COL18A1: variants seen among roughly 807,000 people sequenced by gnomAD.
The protein encoded by COL18A1 is collagen alpha-1(XVIII) chain.
COL18A1 carries 133 observed loss-of-function variants against 168.0 expected under a neutral mutation model. That is an observed-to-expected ratio of 0.79 (90% CI 0.69 to 0.91). The LOEUF (loss-of-function observed/expected upper bound fraction) is 0.91, where lower values mean the gene tolerates loss of function less well. COL18A1 is among the 40% of genes least tolerant of loss of function. The pLI is 0.00. For missense variants in COL18A1, 2,126 were observed against 1,925.4 expected (o/e 1.10, Z -1.95); for synonymous variants, 949 against 809.0 (o/e 1.17, Z -2.94).
At chr21:45,417,305 C>T (rs376333400) in intron 2 of COL18A1, among the ~76,000 whole-genome samples, 12 of 152,202 alleles carry the variant, frequency 7.9e-5, no homozygotes, top group Admixed American at 4.6e-4. Flanking sequence ...CGAATGGCAC[C>T]GGCTTGCCTT....
chr21:45,490,482 C>CGGTGTG lies in COL18A1; in HGVS notation c.2031+136_2031+137insGGTGTG, dbSNP rs1568921477. The stretch of plus-strand genomic sequence containing the variant: ...TGTGCCCTCGTGGGTCCCTGGGCCT[C>CGGTGTG]CGTGTGCCCTCCCGGGTCTCTGGGC... On this transcript the variant is annotated intron_variant, in intron 20 of 41. Transcript: ENST00000651438. The CGGTGTG allele has an allele frequency of 1.3e-5, 9 of 711,776 alleles. No homozygotes were observed. The East Asian group carries it at 2.0e-4, about 16-fold the overall frequency. 44.1% of individuals were successfully genotyped at this position (711,776 alleles called of 1,614,324 possible).
At chr21:45,499,085 A>C (rs1339625771) in intron 32 of COL18A1, among the ~76,000 whole-genome samples, 1 of 152,320 alleles carries the variant, frequency 6.6e-6, no homozygotes, top group East Asian at 1.9e-4. Flanking sequence ...AAGGATCAAC[A>C]ATTAGAGTGA....
At position 45,450,033 on chromosome 21, in the gene COL18A1, C is replaced by T. The variant is rs551792906; in HGVS notation, c.107-18209C>T. ...GTTTTCATTTCAAAAGGGCTGGAGACGTGTCTGCGGCATCCAAACCTTGAC... is the reference window on the plus strand; with the variant it reads ...GTTTTCATTTCAAAAGGGCTGGAGATGTGTCTGCGGCATCCAAACCTTGAC... On this transcript the variant is annotated intron_variant, in intron 2 of 41. Transcript: ENST00000651438. Among the ~76,000 whole-genome samples, 272 of 152,326 alleles carry T rather than the reference C, an allele frequency of 1.8e-3. 1 individual carries two copies. Among genetic ancestry groups the T allele is most frequent in the Middle Eastern group, 6.8e-3 (2 of 294 alleles).
chr21:45,449,150 G>A (rs2034567211), intron 2 of COL18A1, among the ~76,000 whole-genome samples: 1 of 152,208 alleles, frequency 6.6e-6, no homozygotes, highest in Non-Finnish European at 1.5e-5. Flanking sequence ...CTTCACCAGT[G>A]ATCCATCTCC....
At chr21:45,501,378 G>A (rs895277874) in intron 32 of COL18A1, among the ~76,000 whole-genome samples, 6 of 152,198 alleles carry the variant, frequency 3.9e-5, no homozygotes, top group South Asian at 4.1e-4. Context: ...TCCAGGCCAC[G>A]TCCCCAGCAT....
intron 2 of COL18A1, among the ~76,000 whole-genome samples, chr21:45,428,242 G>A (rs1422702633): frequency 6.6e-6 from 1 of 152,150 alleles, no homozygotes; most frequent in Non-Finnish European, 1.5e-5. Context: ...CCTCAAAGAC[G>A]CAGCGCTGTG....
chr21:45,511,138 G>A lies in COL18A1; in HGVS notation c.3721G>A (p.Ala1241Thr). The A allele has an allele frequency of 6.3e-7, 1 of 1,592,450 alleles. No homozygotes were observed. ...KDELLFPSWE[A>T]LFSGSEGPLK... is the part of the protein sequence containing the mutation. Reference sequence around the variant, plus strand: ...CGAGCTGCTGTTTCCCAGCTGGGAGGCTCTGTTCTCAGGCTCTGAGGGTCC... The same window carrying A: ...CGAGCTGCTGTTTCCCAGCTGGGAGACTCTGTTCTCAGGCTCTGAGGGTCC... The change falls in exon 41 of 42, where the codon GCT becomes ACT. Residue 1241 changes from alanine (A) to threonine (T), a missense_variant. Ala to Thr is a moderately conservative substitution (Grantham distance 58, BLOSUM62 0). Transcript: ENST00000651438.
chr21:45,508,678 C>T (rs1410363517), intron 38 of COL18A1, among the ~76,000 whole-genome samples: 1 of 152,204 alleles, frequency 6.6e-6, no homozygotes, highest in Non-Finnish European at 1.5e-5. Flanking sequence ...AGCGGCCTGT[C>T]TCCTCACAGG....
chr21:45,482,745 C>T (rs2035944729), intron 14 of COL18A1, 50 bp from the exon 15 acceptor site: 2 of 1,614,060 alleles, frequency 1.2e-6, no homozygotes, highest in East Asian at 4.5e-5. Context: ...TTCCTCTGTC[C>T]ACTGTGCTGC....
chr21:45,415,906 T>A (rs2033428807), intron 2 of COL18A1, among the ~76,000 whole-genome samples: 1 of 152,172 alleles, frequency 6.6e-6, no homozygotes, highest in Non-Finnish European at 1.5e-5. Context: ...CTGAGGGTAC[T>A]TGCCGGGGGC....
At chr21:45,410,739 C>G (rs1413098926) in intron 2 of COL18A1, among the ~76,000 whole-genome samples, 1 of 152,238 alleles carries the variant, frequency 6.6e-6, no homozygotes, top group Non-Finnish European at 1.5e-5. Flanking sequence ...CCTGCCAGCA[C>G]AGCTGCTCCT....
At position 45,426,568 on chromosome 21, in the gene COL18A1, G is replaced by A. The variant is rs570471936; in HGVS notation, c.106+21095G>A. On this transcript the variant is annotated intron_variant, in intron 2 of 41. Transcript: ENST00000651438. Reference sequence around the variant, plus strand: ...TGGAAGCCCCCGGAAACCCTGCCACGCCCTGAGTGGGAGAGCGCAGGTCCC... The same window carrying A: ...TGGAAGCCCCCGGAAACCCTGCCACACCCTGAGTGGGAGAGCGCAGGTCCC... Among the ~76,000 whole-genome samples, 26 of 152,280 alleles carry A rather than the reference G, an allele frequency of 1.7e-4. No individual in the cohort carries two copies. The South Asian group carries it at 4.8e-3, about 28-fold the overall frequency.
intron 32 of COL18A1, 86 bp downstream of exon 32, chr21:45,497,747 C>T (rs773140663): frequency 3.0e-5 from 46 of 1,529,070 alleles, no homozygotes; most frequent in Non-Finnish European, 3.8e-5. Flanking sequence ...CCACCACAAG[C>T]AGGTCCTGGA....
intron 2 of COL18A1, among the ~76,000 whole-genome samples, chr21:45,459,258 G>C (rs900750537): frequency 6.6e-6 from 1 of 152,184 alleles, no homozygotes; most frequent in African/African-American, 2.4e-5. Context: ...CCCTATGTTG[G>C]GCTGGACACT....
chr21:45,408,380 G>A (rs553737222), intron 2 of COL18A1: 71 of 152,394 alleles, frequency 4.7e-4, no homozygotes, highest in Middle Eastern at 3.4e-3. Context: ...CATGCCCCCC[G>A]CAGGCGTGTG....
Position 45,405,307 on chromosome 21 carries a change from C to CT in COL18A1, c.11+66_11+67insT, listed in dbSNP as rs1418922468. 1.1e-3 allele frequency: 868 copies of CT among 784,790 alleles called. 7 individuals are homozygous for CT. The highest frequency in any genetic ancestry group is 2.8e-3 in the Admixed American group (51 of 18,136). 48.6% of individuals were successfully genotyped at this position (784,790 alleles called of 1,614,324 possible). Reference sequence around the variant, plus strand: ...ATGCGGCTGCGGGGGTCGCGGGGGTCGCGGGGCTCGGCCGGGTCCTGCGGG... The same window carrying CT: ...ATGCGGCTGCGGGGGTCGCGGGGGTCTGCGGGGCTCGGCCGGGTCCTGCGGG... On this transcript the variant is annotated intron_variant, in intron 1 of 41. Transcript: ENST00000651438.
chr21:45,502,262 C>T (rs988395080), intron 32 of COL18A1, among the ~76,000 whole-genome samples: 1 of 152,198 alleles, frequency 6.6e-6, no homozygotes, highest in African/African-American at 2.4e-5. Flanking sequence ...GGGCATGCCT[C>T]CAGGGGTGAG....
At chr21:45,456,650 G>A (rs1309342531) in intron 2 of COL18A1, 28 of 1,535,992 alleles carry the variant, frequency 1.8e-5, no homozygotes, top group Non-Finnish European at 2.4e-5. Context: ...ACGGGCGTGG[G>A]GGGGCCTGCT....
chr21:45,497,683 A>G (rs1334816982), intron 32 of COL18A1, 22 bp downstream of exon 32: 1 of 1,558,144 alleles, frequency 6.4e-7, no homozygotes, highest in East Asian at 2.4e-5. Flanking sequence ...TGGACATCCC[A>G]GGCAGGAGAG....
Sources: gnomAD v4.1 joint callset for allele counts (sites outside exome capture counted in the v4.1 genomes callset) on GRCh38, gnomAD v4.1.1 for gene constraint, MANE v1.5 for transcripts, NCBI Gene and HGNC (gene_info 2026-07-23, HGNC 2026-07-21) for gene names.